Variants in PHEX observed in about 807,000 individuals in gnomAD.
PHEX encodes phosphate-regulating neutral endopeptidase PHEX.
Under a neutral mutation model 68.0 loss-of-function variants are expected in PHEX, and 16 were observed. That is an observed-to-expected ratio of 0.24 (90% CI 0.16 to 0.36). PHEX has a LOEUF of 0.36. Among genes scored for constraint, PHEX ranks in the 10% least tolerant of loss-of-function variants. The pLI is 1.00. For synonymous variants in PHEX, 208 were observed against 205.1 expected (o/e 1.01, Z -0.12); for missense variants, 480 against 575.5 (o/e 0.83, Z 1.70).
Position 22,250,996 on chromosome X carries a change from C to T in PHEX, c.*3043C>T, listed in dbSNP as rs1188645457. 1 of 112,083 alleles carries T rather than the reference C, an allele frequency of 8.9e-6. No homozygotes were observed. Among genetic ancestry groups the T allele is most frequent in the African/African-American group, 3.2e-5 (1 of 30,835 alleles). The allele number at this position is 112,083 out of a possible 1,213,427, so 9.2% of individuals were successfully genotyped here. A position where few individuals can be genotyped will look rare whatever the true frequency, so the allele number is the denominator to read the frequency against. The stretch of plus-strand genomic sequence containing the variant: ...CTGACCTGTGGATTAAACTCTATCC[C>T]TTAGATTATCCCATTTCTAAATACA... On this transcript the variant is annotated 3_prime_UTR_variant, in exon 22 of 22. Coordinates refer to ENST00000379374, the MANE Select transcript of PHEX (RefSeq NM_000444.6).
intron 11 of PHEX, among the ~76,000 whole-genome samples, chrX:22,118,539 G>A (rs755788288): frequency 1.4e-4 from 15 of 110,069 alleles, no homozygotes; most frequent in African/African-American, 4.3e-4. Context: ...AGGACCTCCA[G>A]GCTTTATCTT....
At chrX:22,231,280 C>T (rs2147190530) in intron 20 of PHEX, among the ~76,000 whole-genome samples, 1 of 111,725 alleles carries the variant, frequency 9.0e-6, no homozygotes, top group South Asian at 3.8e-4. Flanking sequence ...ATCATGCTGG[C>T]CTCATAAAAT....
At chrX:22,088,480 A>AT (rs886868405) in intron 5 of PHEX, among the ~76,000 whole-genome samples, 69 of 109,602 alleles carry the variant, frequency 6.3e-4, no homozygotes, top group African/African-American at 2.1e-3. Flanking sequence ...CAGTTGTCAG[A>AT]TTTTTTTTTC....
chrX:22,246,394 G>A (rs2301328), intron 21 of PHEX, among the ~76,000 whole-genome samples: 1 of 111,459 alleles, frequency 9.0e-6, no homozygotes, highest in Non-Finnish European at 1.9e-5. Flanking sequence ...TCTTCTATAT[G>A]TTAAAATCTT....
At chrX:22,101,762 C>A (rs1369306755) in intron 9 of PHEX, among the ~76,000 whole-genome samples, 1 of 111,397 alleles carries the variant, frequency 9.0e-6, no homozygotes, top group African/African-American at 3.3e-5. Context: ...ACTCATCTAG[C>A]TGTAGGGGAG....
intron 20 of PHEX, among the ~76,000 whole-genome samples, chrX:22,234,618 C>T (rs990486045): frequency 9.1e-6 from 1 of 109,811 alleles, no homozygotes; most frequent in Non-Finnish European, 1.9e-5. Context: ...CCCTTCCCCC[C>T]CCAAGCTCAA....
At chrX:22,171,246 G>C (rs1391903986) in intron 13 of PHEX, 1 of 110,597 alleles carries the variant, frequency 9.0e-6, no homozygotes, top group Admixed American at 9.6e-5. Context: ...CAAGGCGGCA[G>C]GAGGGAAGAG....
chrX:22,075,285 CTTTTTTTTTT>C (rs1164944990), intron 3 of PHEX, among the ~76,000 whole-genome samples: 1 of 62,353 alleles, frequency 1.6e-5, no homozygotes, highest in Admixed American at 1.9e-4. Flanking sequence ...CTCTGGGTTG[CTTTTTTTTTT>C]TTTTTTTTTT....
Position 22,249,455 on chromosome X carries a change from A to AAAAATATATATATATAT in PHEX, c.*1503_*1504insAAATATATATATATATA. 1.4e-3 allele frequency: 57 copies of AAAAATATATATATATAT among 39,736 alleles called. No individual in the cohort carries two copies. Among genetic ancestry groups the AAAAATATATATATATAT allele is most frequent in the Non-Finnish European group, 2.2e-3 (54 of 24,449 alleles). 3.3% of individuals were successfully genotyped at this position (39,736 alleles called of 1,213,427 possible). ...TTGTGATTCTTTTAAAAAAAAAAAA[A>AAAAATATATATATATAT]ATATATATATATATATATATATATA... On this transcript the variant is annotated 3_prime_UTR_variant, in exon 22 of 22. Transcript: ENST00000379374.
chrX:22,122,724 C>A (rs1002649734), intron 11 of PHEX, among the ~76,000 whole-genome samples: 19 of 111,341 alleles, frequency 1.7e-4, no homozygotes, highest in Admixed American at 4.8e-4. Context: ...GCTTGAATTT[C>A]TGGGGGTTGG....
At chrX:22,131,385 AAAGTT>A (rs1392433147) in intron 11 of PHEX, among the ~76,000 whole-genome samples, 1 of 112,589 alleles carries the variant, frequency 8.9e-6, no homozygotes, top group Admixed American at 9.4e-5. Context: ...ATGGGCAGAC[AAAGTT>A]AAGAACCACC....
intron 20 of PHEX, among the ~76,000 whole-genome samples, chrX:22,230,594 A>G (rs762742826): frequency 1.8e-5 from 2 of 110,180 alleles, no homozygotes; most frequent in Non-Finnish European, 3.8e-5. Flanking sequence ...TGATTGGTGT[A>G]TAGGAATGCT....
At chrX:22,181,838 A>G (rs1569421011) in intron 14 of PHEX, among the ~76,000 whole-genome samples, 1 of 111,871 alleles carries the variant, frequency 8.9e-6, no homozygotes, top group African/African-American at 3.2e-5. Context: ...ATTCGTAGCT[A>G]TTGTAAATGA....
Position 22,226,395 on chromosome X carries a change from C to T in PHEX, c.1900-48C>T, listed in dbSNP as rs368051891. 2.2e-4 allele frequency: 199 copies of T among 907,697 alleles called. 1 individual carries two copies. In the South Asian group the frequency reaches 3.6e-3, roughly 16 times the overall value. 74.8% of individuals were successfully genotyped at this position (907,697 alleles called of 1,213,427 possible). A position where few individuals can be genotyped will look rare whatever the true frequency, so the allele number is the denominator to read the frequency against. On this transcript the variant is annotated intron_variant, in intron 18 of 21. Transcript: ENST00000379374. Reference sequence around the variant, plus strand: ...TGCCTCTTGCTGAATGATAGTTGACCGTGAAACACGCATTCATTTTTTTTT... The same window carrying T: ...TGCCTCTTGCTGAATGATAGTTGACTGTGAAACACGCATTCATTTTTTTTT...
At chrX:22,051,213 T>C (rs1927817870) in intron 3 of PHEX, among the ~76,000 whole-genome samples, 1 of 112,616 alleles carries the variant, frequency 8.9e-6, no homozygotes, top group African/African-American at 3.2e-5. Flanking sequence ...CTCTTAAAAT[T>C]AGTATTTTTT....
intron 20 of PHEX, among the ~76,000 whole-genome samples, chrX:22,241,349 A>G (rs1936185932): frequency 8.9e-6 from 1 of 112,097 alleles, no homozygotes; most frequent in South Asian, 3.7e-4. Flanking sequence ...TGACACCCTA[A>G]CATCACAATT....
At position 22,034,393 on chromosome X, in the gene PHEX, CTT is replaced by C. The variant is rs761654764; in HGVS notation, c.118+1273_118+1274del. On this transcript the variant is annotated intron_variant, in intron 1 of 21. Coordinates refer to ENST00000379374, the MANE Select transcript of PHEX (RefSeq NM_000444.6). ...TTAACGATATTACCACTGCACGAAA[CTT>C]TTACAAAACTCTACTTTTATGATTA... Among the ~76,000 whole-genome samples the C allele has an allele frequency of 3.6e-5, 4 of 112,411 alleles. No individual in the cohort carries two copies. In the East Asian group the frequency reaches 1.1e-3, roughly 31 times the overall value.
rs111628195 is a variant in PHEX, at chrX:22,055,174, CAAAAAAAAA to C, written c.349+7996_349+8004del. On this transcript the variant is annotated intron_variant, in intron 3 of 21. Coordinates refer to ENST00000379374, the MANE Select transcript of PHEX (RefSeq NM_000444.6). ...CGGGCAACAGAGAGAGACTCCAGCT[CAAAAAAAAA>C]AAAAAAAAAAAAAAAAAAAAAAAAA... Among the ~76,000 whole-genome samples the C allele has an allele frequency of 4.8e-3, 315 of 66,084 alleles. 5 individuals are homozygous for C. Among genetic ancestry groups the C allele is most frequent in the African/African-American group, 0.014 (297 of 20,554 alleles). 57.4% of individuals were successfully genotyped at this position (66,084 alleles called of 115,157 possible).
chrX:22,143,177 A>C (rs1008374424), intron 12 of PHEX, among the ~76,000 whole-genome samples: 1 of 112,485 alleles, frequency 8.9e-6, no homozygotes, highest in Non-Finnish European at 1.9e-5. Flanking sequence ...TTTAAAGTGA[A>C]CAATTCTCAA....
Sources: allele counts gnomAD v4.1 joint callset (sites outside exome capture counted in the v4.1 genomes callset), GRCh38; gene constraint gnomAD v4.1.1; transcripts MANE v1.5; gene names NCBI Gene and HGNC (gene_info 2026-07-23, HGNC 2026-07-21).